Variants in COPG1 observed in about 807,000 individuals in gnomAD.
COPG1 encodes coatomer subunit gamma-1.
In COPG1, 29 loss-of-function variants were observed where a neutral mutation model predicts 102.8. The ratio of observed to expected loss-of-function variants is 0.28; its 90% confidence interval spans 0.21 to 0.38. The LOEUF is 0.38. COPG1 is among the 10% of genes least tolerant of loss of function. The probability of loss-of-function intolerance (pLI) is 1.00; values close to 1 mark genes in which losing one functional copy is unlikely to be tolerated. For missense variants in COPG1, 875 were observed against 1,132.7 expected, an observed-to-expected ratio of 0.77 and a Z score of 3.27; for synonymous variants, 406 against 421.6, an observed-to-expected ratio of 0.96 and a Z score of 0.45.
chr3:129,258,614 C>T (rs777102677), intron 10 of COPG1, among the ~76,000 whole-genome samples: 5 of 152,184 alleles, frequency 3.3e-5, no homozygotes, highest in African/African-American at 4.8e-5. Flanking sequence ...CCCACCACCA[C>T]GCCTGGCTAA....
intron 1 of COPG1, among the ~76,000 whole-genome samples, chr3:129,249,982 C>A (rs111688829): frequency 0.072 from 10,849 of 150,626 alleles, 1,219 homozygotes; most frequent in African/African-American, 0.24. Context: ...CACCCCCCCC[C>A]CCAGGCCTCA....
rs1438954602 is a variant in COPG1 at position 129,257,573 on chromosome 3, C to T, written c.683C>T (p.Ala228Val). The T allele has an allele frequency of 5.0e-6, 8 of 1,614,220 alleles. No homozygotes were observed. Among genetic ancestry groups the T allele is most frequent in the Non-Finnish European group, 6.8e-6 (8 of 1,180,042 alleles). The change falls in exon 9 of 24, where the codon GCC becomes GTC. Residue 228 changes from alanine (A) to valine (V), a missense_variant. Transcript: ENST00000314797. The stretch of plus-strand genomic sequence containing the variant: ...CGGCATGGCCTTAAGTCTCCCTTTG[C>T]CTACTGCATGATGATCCGGGTGGCC... ...VTRHGLKSPF[A>V]YCMMIRVASK...
intron 19 of COPG1, 92 bp from the exon 20 acceptor site, chr3:129,272,152 C>T: frequency 1.6e-6 from 2 of 1,253,924 alleles, no homozygotes; most frequent in Non-Finnish European, 2.3e-6. Flanking sequence ...TCACCTTGGT[C>T]AATAGGAAAG....
At chr3:129,254,274 C>T (rs185249746) in intron 5 of COPG1, 6 of 161,532 alleles carry the variant, frequency 3.7e-5, no homozygotes, top group East Asian at 1.8e-4. Flanking sequence ...CCAGCCTGGG[C>T]GACAAAGCGA....
chr3:129,258,843 G>A (rs1939866163), intron 10 of COPG1, among the ~76,000 whole-genome samples: 1 of 152,182 alleles, frequency 6.6e-6, no homozygotes, highest in Non-Finnish European at 1.5e-5. Context: ...CTCTGGGTGT[G>A]GGAATACCCT....
intron 10 of COPG1, among the ~76,000 whole-genome samples, chr3:129,258,873 A>G (rs1304335154): frequency 6.6e-6 from 1 of 152,182 alleles, no homozygotes; most frequent in Non-Finnish European, 1.5e-5. Context: ...GAGAAAGCCT[A>G]TGAAGAGGTG....
At position 129,275,243 on chromosome 3, in the gene COPG1, G is replaced by A. The variant is rs1940243816; in HGVS notation, c.2445G>A (p.Arg815=). ...VKFLGMHPCE[R]SDKVPDNKNT... ...TCTTGGGAATGCACCCTTGTGAGAGGTCAGACAAAGTGCCGGATAACAAGA... is the reference window on the plus strand; with the variant it reads ...TCTTGGGAATGCACCCTTGTGAGAGATCAGACAAAGTGCCGGATAACAAGA... Residue 815 remains arginine, a synonymous_variant, in exon 23 of 24, where the codon AGG becomes AGA. Coordinates refer to ENST00000314797, the MANE Select transcript of COPG1 (RefSeq NM_016128.4). This position sits in a 1 kb window ranked among gnomAD's most constrained non-coding sequence, Gnocchi z 5.0. The A allele has an allele frequency of 6.2e-7, 1 of 1,614,172 alleles. No individual in the cohort carries two copies.
At chr3:129,249,849 C>A in intron 1 of COPG1, 103 bp downstream of exon 1, 2 of 1,278,156 alleles carry the variant, frequency 1.6e-6, no homozygotes, top group Non-Finnish European at 2.2e-6. Flanking sequence ...CAGTGAGGGG[C>A]AGGGGCTTGT....
In COPG1 at chr3:129,275,971, T is replaced by TACACACACAC. The variant is rs59294610; in HGVS notation, c.2494+697_2494+706dup. 6.7e-6 allele frequency among the ~76,000 whole-genome samples: 1 copy of TACACACACAC among 149,294 alleles called. No individual in the cohort carries two copies. The highest frequency in any genetic ancestry group is 2.4e-5 in the African/African-American group (1 of 41,004). The stretch of plus-strand genomic sequence containing the variant: ...ACAGATGTTACAGTAAATAATCGTG[T>TACACACACAC]ACACACACACACACACACACACACA... On this transcript the variant is annotated intron_variant, in intron 23 of 23. Coordinates refer to ENST00000314797, the MANE Select transcript of COPG1 (RefSeq NM_016128.4). The surrounding 1 kb of genome is among the most constrained non-coding windows in gnomAD (Gnocchi z 5.0).
Position 129,254,965 on chromosome 3 carries a change from C to T in COPG1, c.400-20C>T. ...AAGGACTGACTGGATCTCCTTCCAC[C>T]CTGCTCCTTTTGCCCACAGAGCACC... On this transcript the variant is annotated intron_variant, in intron 6 of 23. Coordinates refer to ENST00000314797, the MANE Select transcript of COPG1 (RefSeq NM_016128.4). 1 of 1,605,912 alleles carries T rather than the reference C, an allele frequency of 6.2e-7. No homozygotes were observed. Among genetic ancestry groups the T allele is most frequent in the Non-Finnish European group, 8.5e-7 (1 of 1,172,514 alleles).
intron 16 of COPG1, among the ~76,000 whole-genome samples, 173 bp from the exon 17 acceptor site, chr3:129,268,322 C>A (rs899999435): frequency 3.3e-5 from 5 of 152,230 alleles, no homozygotes; most frequent in Admixed American, 3.3e-4. Context: ...TTCCCCACAC[C>A]TACCCTGTAA....
At chr3:129,268,829 G>A (rs1355386886) in intron 17 of COPG1, 103 bp from the exon 18 acceptor site, 3 of 1,202,452 alleles carry the variant, frequency 2.5e-6, no homozygotes, top group East Asian at 2.3e-5. Context: ...CCACTCTCAG[G>A]AGGGTTAGTA....
chr3:129,264,022 G>A (rs765494993), intron 13 of COPG1, 23 bp downstream of exon 13: 42 of 1,593,724 alleles, frequency 2.6e-5, no homozygotes, highest in Non-Finnish European at 3.0e-5. Context: ...GGCATTCGGG[G>A]GATGCCAGGT....
At chr3:129,259,612 T>C (rs57850344) in intron 10 of COPG1, among the ~76,000 whole-genome samples, 4 of 151,680 alleles carry the variant, frequency 2.6e-5, no homozygotes, top group South Asian at 2.1e-4. Flanking sequence ...TTAAGAAAAA[T>C]TTTTTTTGAG....
At position 129,271,768 on chromosome 3, in the gene COPG1, G is replaced by A. The variant is rs752917763; in HGVS notation, c.1845G>A (p.Glu615=). 2 of 1,614,112 alleles carry A rather than the reference G, an allele frequency of 1.2e-6. No homozygotes were observed. Among genetic ancestry groups the A allele is most frequent in the South Asian group, 1.1e-5 (1 of 91,080 alleles). The change falls in exon 19 of 24, where the codon GAG becomes GAA. Residue 615 remains glutamate (E), a splice_region_variant and synonymous_variant. Transcript: ENST00000314797. The surrounding 1 kb of genome is among the most constrained non-coding windows in gnomAD (Gnocchi z 4.7). The part of the protein sequence containing the change: ...VAATRQEIFQ[E]QLAAVPEFRG... ...GTGAATGTGGCCTGTGGATTTCAGA[G>A]CAGTTGGCAGCAGTGCCAGAGTTCC...
rs1940175513 is a variant in COPG1, at chr3:129,271,224, G to A, written c.1844-543G>A. ...ATCCAGTGCTTGAACCTGGGCATAG[G>A]GTGTAGGGATAGGTCTTACCAGACA... On this transcript the variant is annotated intron_variant, in intron 18 of 23. Coordinates refer to ENST00000314797, the MANE Select transcript of COPG1 (RefSeq NM_016128.4). The surrounding 1 kb of genome is among the most constrained non-coding windows in gnomAD (Gnocchi z 4.7). 6.6e-6 allele frequency among the ~76,000 whole-genome samples: 1 copy of A among 152,174 alleles called. No homozygotes were observed. Among genetic ancestry groups the A allele is most frequent in the Non-Finnish European group, 1.5e-5 (1 of 68,038 alleles).
At chr3:129,272,478 G>A in intron 20 of COPG1, 63 bp downstream of exon 20, 2 of 1,403,466 alleles carry the variant, frequency 1.4e-6, no homozygotes, top group Middle Eastern at 2.4e-4. Flanking sequence ...GAGGAGGTGG[G>A]CGGCTGGGCA....
chr3:129,250,281 A>T (rs1357214164), intron 1 of COPG1, among the ~76,000 whole-genome samples: 1 of 152,204 alleles, frequency 6.6e-6, no homozygotes, highest in Non-Finnish European at 1.5e-5. Context: ...TGCACCCACG[A>T]TGGAGGAGGC....
At chr3:129,266,686 G>A (rs558153437) in intron 14 of COPG1, among the ~76,000 whole-genome samples, 2 of 152,168 alleles carry the variant, frequency 1.3e-5, no homozygotes, top group South Asian at 2.1e-4. Context: ...GCAAATTGAC[G>A]CCATTTGGAT....
Sources: gnomAD v4.1 joint callset for allele counts (sites outside exome capture counted in the v4.1 genomes callset) on GRCh38, gnomAD v4.1.1 for gene constraint, Gnocchi (gnomAD v3.1) non-coding constraint, MANE v1.5 for transcripts, NCBI Gene and HGNC (gene_info 2026-07-23, HGNC 2026-07-21) for gene names.